Variants in MED12L observed in about 807,000 individuals in gnomAD.
MED12L encodes mediator of RNA polymerase II transcription subunit 12-like protein.
Under a neutral mutation model 281.3 loss-of-function variants are expected in MED12L, and 60 were observed. The ratio of observed to expected loss-of-function variants is 0.21; its 90% CI spans 0.17 to 0.26. The LOEUF is 0.26. MED12L is among the 10% of genes least tolerant of loss of function. The pLI is 1.00. For synonymous variants in MED12L, 974 were observed against 987.2 expected, an observed-to-expected ratio of 0.99 and a Z score of 0.25; for missense variants, 2,146 against 2,680.9, an observed-to-expected ratio of 0.80 and a Z score of 4.41.
intron 11 of MED12L, among the ~76,000 whole-genome samples, chr3:151,167,878 C>T (rs772700739): frequency 7.9e-5 from 12 of 151,954 alleles, no homozygotes; most frequent in Non-Finnish European, 1.8e-4. Context: ...GTAGGGATAC[C>T]CAAAATTCAG....
chr3:151,235,512 T>A (rs1408155630), intron 16 of MED12L, among the ~76,000 whole-genome samples: 1 of 152,098 alleles, frequency 6.6e-6, no homozygotes, highest in East Asian at 1.9e-4. Flanking sequence ...GAGACCATCA[T>A]GGCTAACATG....
chr3:151,277,699 A>G (rs999044615), intron 16 of MED12L, among the ~76,000 whole-genome samples: 1 of 152,236 alleles, frequency 6.6e-6, no homozygotes, highest in African/African-American at 2.4e-5. Flanking sequence ...AATAAGTAGC[A>G]TATGAACTCA....
At chr3:151,153,649 A>G (rs9850762) in intron 5 of MED12L, among the ~76,000 whole-genome samples, 14,347 of 140,434 alleles carry the variant, frequency 0.1, 941 homozygotes, top group Middle Eastern at 0.18. Flanking sequence ...GCTCACTGCA[A>G]CCTCTGCCTC....
intron 16 of MED12L, chr3:151,198,197 CTT>C: frequency 5.2e-6 from 2 of 386,258 alleles, no homozygotes; most frequent in Non-Finnish European, 4.6e-6. Flanking sequence ...CAATGAGACT[CTT>C]TAGTTTTTTG....
chr3:151,335,946 T>C (rs1482740437), intron 16 of MED12L, among the ~76,000 whole-genome samples: 2 of 152,222 alleles, frequency 1.3e-5, no homozygotes, highest in Non-Finnish European at 2.9e-5. Flanking sequence ...GAAATTGTCA[T>C]CTCAGTGACA....
At chr3:151,338,207 T>C (rs1751290430) in intron 16 of MED12L, 1 of 1,614,022 alleles carries the variant, frequency 6.2e-7, no homozygotes, top group African/African-American at 1.3e-5. Context: ...ACAGTTCTTT[T>C]GTAATGAGTG....
At chr3:151,145,346 G>A (rs1479769733) in intron 5 of MED12L, among the ~76,000 whole-genome samples, 3 of 152,158 alleles carry the variant, frequency 2.0e-5, no homozygotes, top group Non-Finnish European at 2.9e-5. Flanking sequence ...GTGTCTGCTA[G>A]GTACTTCTGT....
intron 2 of MED12L, among the ~76,000 whole-genome samples, chr3:151,103,558 C>T (rs750394205): frequency 1.3e-5 from 2 of 152,140 alleles, no homozygotes; most frequent in Non-Finnish European, 2.9e-5. Flanking sequence ...ACTGAGTAGT[C>T]AGTCATGTGC....
intron 16 of MED12L, among the ~76,000 whole-genome samples, chr3:151,335,328 A>G (rs1403890836): frequency 6.6e-6 from 1 of 152,242 alleles, no homozygotes; most frequent in Non-Finnish European, 1.5e-5. Flanking sequence ...AAATATGTAC[A>G]GTTATTATGT....
chr3:151,181,167 G>A (rs1722649741), intron 11 of MED12L, among the ~76,000 whole-genome samples: 2 of 151,480 alleles, frequency 1.3e-5, no homozygotes, highest in East Asian at 1.9e-4. Flanking sequence ...AGGTTATTAT[G>A]TTATAGATAT....
At chr3:151,119,075 A>G (rs10935825) in intron 3 of MED12L, among the ~76,000 whole-genome samples, 39,771 of 152,110 alleles carry the variant, frequency 0.26, 6,352 homozygotes, top group African/African-American at 0.46. Context: ...TAAAGTAGTC[A>G]TATGAATAAT....
In MED12L at chr3:151,339,875, C is replaced by T. The variant is rs74284424; in HGVS notation, c.2251-10184C>T. 8.2e-4 allele frequency among the ~76,000 whole-genome samples: 124 copies of T among 152,068 alleles called. 1 individual carries two copies. The East Asian group carries it at 0.022, about 27-fold the overall frequency. On this transcript the variant is annotated intron_variant, in intron 16 of 44. Coordinates refer to ENST00000687756, the MANE Select transcript of MED12L (RefSeq NM_001393769.1). ...TGACGTTTGTAATCTTTTTATTTCACCAGAGATAAGTGAAATTGATTCTAT... is the reference window on the plus strand; with the variant it reads ...TGACGTTTGTAATCTTTTTATTTCATCAGAGATAAGTGAAATTGATTCTAT...
In MED12L at chr3:151,134,559, A is replaced by G. The variant is rs1560080890; in HGVS notation, c.556+6575A>G. On this transcript the variant is annotated intron_variant, in intron 5 of 44. Coordinates refer to ENST00000687756, the MANE Select transcript of MED12L (RefSeq NM_001393769.1). Reference sequence around the variant, plus strand: ...GTATGAGTAGGGGACATGCATCCAAACAATCAAATATTAGAGAAGGAAGAC... The same window carrying G: ...GTATGAGTAGGGGACATGCATCCAAGCAATCAAATATTAGAGAAGGAAGAC... Among the ~76,000 whole-genome samples, 3 of 152,206 alleles carry G rather than the reference A, an allele frequency of 2.0e-5. No homozygotes were observed. The South Asian group carries it at 6.2e-4, about 31-fold the overall frequency.
chr3:151,244,022 G>A (rs1167084093), intron 16 of MED12L, among the ~76,000 whole-genome samples: 1 of 125,502 alleles, frequency 8.0e-6, no homozygotes, highest in African/African-American at 2.7e-5. Flanking sequence ...GACAAAGAAG[G>A]CCATTACATA....
intron 16 of MED12L, among the ~76,000 whole-genome samples, chr3:151,210,351 C>A (rs1371401316): frequency 6.6e-6 from 1 of 152,196 alleles, no homozygotes; most frequent in Non-Finnish European, 1.5e-5. Flanking sequence ...GCTTCTGTTT[C>A]TGGACAAAGA....
chr3:151,098,835 G>A (rs1462181441), intron 2 of MED12L, among the ~76,000 whole-genome samples: 1 of 152,130 alleles, frequency 6.6e-6, no homozygotes, highest in Non-Finnish European at 1.5e-5. Flanking sequence ...TTTTCACACT[G>A]CTGATAAAAC....
chr3:151,389,028 T>C (rs1233402182), intron 37 of MED12L, among the ~76,000 whole-genome samples: 2 of 152,364 alleles, frequency 1.3e-5, no homozygotes, highest in East Asian at 1.9e-4. Flanking sequence ...ATACATCTTT[T>C]CCTAGCTGAT....
At chr3:151,124,394 A>G (rs11715411) in intron 4 of MED12L, among the ~76,000 whole-genome samples, 3,113 of 152,264 alleles carry the variant, frequency 0.02, 102 homozygotes, top group East Asian at 0.16. Context: ...TGCAAACTTG[A>G]AGATGGTTTC....
chr3:151,264,611 T>A (rs1478391494), intron 16 of MED12L, among the ~76,000 whole-genome samples: 2 of 152,232 alleles, frequency 1.3e-5, no homozygotes, highest in Non-Finnish European at 2.9e-5. Flanking sequence ...TGCAGTTTAA[T>A]TTGTGTATTA....
Sources: gnomAD v4.1 joint callset for allele counts (sites outside exome capture counted in the v4.1 genomes callset) on GRCh38, gnomAD v4.1.1 for gene constraint, MANE v1.5 for transcripts, NCBI Gene and HGNC (gene_info 2026-07-23, HGNC 2026-07-21) for gene names.